The following ANKS1B variants were observed in gnomAD, a reference collection of about 807,000 sequenced individuals.
ANKS1B encodes ankyrin repeat and sterile alpha motif domain containing 1B.
In ANKS1B, 36 loss-of-function variants were observed where a neutral mutation model predicts 148.3. That is an observed-to-expected ratio of 0.24 (90% CI 0.19 to 0.32). ANKS1B has a LOEUF of 0.32. Among genes scored for constraint, ANKS1B ranks in the 10% least tolerant of loss-of-function variants. The pLI is 1.00. For missense variants in ANKS1B, 1,157 were observed against 1,542.6 expected, an observed-to-expected ratio of 0.75 and a Z score of 4.19; for synonymous variants, 542 against 560.8, an observed-to-expected ratio of 0.97 and a Z score of 0.47.
At chr12:98,758,284 C>T (rs1397212341) in intron 25 of ANKS1B, among the ~76,000 whole-genome samples, 2 of 152,078 alleles carry the variant, frequency 1.3e-5, no homozygotes, top group Non-Finnish European at 2.9e-5. Flanking sequence ...GAAGTCAGCA[C>T]CCAGACAAAC....
intron 1 of ANKS1B, among the ~76,000 whole-genome samples, chr12:99,970,042 C>T (rs2095539467): frequency 6.6e-6 from 1 of 152,160 alleles, no homozygotes; most frequent in Non-Finnish European, 1.5e-5. Context: ...AGTCAAAAAT[C>T]ATCCAAGTAT....
intron 1 of ANKS1B, among the ~76,000 whole-genome samples, chr12:99,970,791 G>A (rs2095548240): frequency 1.3e-5 from 2 of 152,246 alleles, no homozygotes; most frequent in African/African-American, 4.8e-5. Context: ...CCTCCTCTCT[G>A]CAGTTTCCCC....
At chr12:98,811,073 G>GC (rs5800365) in intron 19 of ANKS1B, among the ~76,000 whole-genome samples, 152,321 of 152,326 alleles carry the variant, frequency 1, 76,158 homozygotes, top group Non-Finnish European at 1. Flanking sequence ...TCTGGCAGCC[G>GC]CACTGCTTTT....
intron 9 of ANKS1B, among the ~76,000 whole-genome samples, chr12:99,604,297 C>G (rs1031908588): frequency 6.6e-6 from 1 of 152,018 alleles, no homozygotes; most frequent in African/African-American, 2.4e-5. Context: ...ATATAACTTA[C>G]AGGTTTAGCA....
chr12:98,772,235 T>C (rs1266274467), intron 25 of ANKS1B, among the ~76,000 whole-genome samples: 2 of 152,192 alleles, frequency 1.3e-5, no homozygotes, highest in African/African-American at 2.4e-5. Context: ...TATTTGAAGA[T>C]AGTGCCCTGA....
intron 12 of ANKS1B, among the ~76,000 whole-genome samples, chr12:99,320,461 C>A (rs147268456): frequency 9.2e-4 from 140 of 152,256 alleles, no homozygotes; most frequent in African/African-American, 3.2e-3. Flanking sequence ...ATCACTGATA[C>A]CCTTTCTTCC....
chr12:99,503,406 C>A (rs1342791193), intron 10 of ANKS1B, among the ~76,000 whole-genome samples: 2 of 152,206 alleles, frequency 1.3e-5, no homozygotes, highest in Non-Finnish European at 2.9e-5. Context: ...CTTCTCGCTA[C>A]TCTGTGGGGA....
intron 17 of ANKS1B, among the ~76,000 whole-genome samples, chr12:99,034,363 T>G (rs2099954207): frequency 6.6e-6 from 1 of 152,176 alleles, no homozygotes; most frequent in Non-Finnish European, 1.5e-5. Context: ...TCACCCAGGC[T>G]GGAGTGCAAT....
intron 1 of ANKS1B, among the ~76,000 whole-genome samples, chr12:99,839,822 T>C (rs1174613549): frequency 6.6e-6 from 1 of 152,136 alleles, no homozygotes; most frequent in Non-Finnish European, 1.5e-5. Flanking sequence ...CTTTAATCAT[T>C]ATCTATTGCC....
intron 1 of ANKS1B, among the ~76,000 whole-genome samples, chr12:99,851,182 T>C (rs529576300): frequency 6.6e-6 from 1 of 152,220 alleles, no homozygotes; most frequent in East Asian, 1.9e-4. Flanking sequence ...ATCATCAAAA[T>C]GCAGAAAATC....
At chr12:99,963,490 T>C (rs566727154) in intron 1 of ANKS1B, among the ~76,000 whole-genome samples, 32 of 152,338 alleles carry the variant, frequency 2.1e-4, no homozygotes, top group African/African-American at 7.2e-4. Context: ...GTTTATTTTT[T>C]CTTAAATGTG....
chr12:99,154,523 C>A (rs368119966), intron 14 of ANKS1B, 128 bp from the exon 15 acceptor site: 1 of 1,599,704 alleles, frequency 6.3e-7, no homozygotes, highest in Non-Finnish European at 8.5e-7. Flanking sequence ...CAAAGGAGCC[C>A]GCCAGCTTGA....
intron 17 of ANKS1B, among the ~76,000 whole-genome samples, chr12:98,874,538 A>G (rs2099682499): frequency 6.6e-6 from 1 of 152,180 alleles, no homozygotes. Flanking sequence ...AAGGTGTTTA[A>G]GAGGTGACAC....
chr12:99,681,527 C>T (rs1185740770), intron 8 of ANKS1B, among the ~76,000 whole-genome samples: 2 of 152,172 alleles, frequency 1.3e-5, no homozygotes, highest in Non-Finnish European at 2.9e-5. Flanking sequence ...TTTGCAGACA[C>T]TCCCCAGTAC....
intron 9 of ANKS1B, among the ~76,000 whole-genome samples, chr12:99,634,450 T>C (rs1011867472): frequency 2.0e-5 from 3 of 152,134 alleles, no homozygotes; most frequent in African/African-American, 7.2e-5. Flanking sequence ...ATTACTTTTC[T>C]TTATAAATTA....
chr12:99,092,470 G>GA (rs5800375), intron 15 of ANKS1B, among the ~76,000 whole-genome samples: 1,922 of 116,606 alleles, frequency 0.016, 34 homozygotes, highest in African/African-American at 0.037. Context: ...CTGTGAAGCT[G>GA]AAAAAAAAAA....
In ANKS1B at chr12:98,774,571, G is replaced by GT. The variant is rs1326156855; in HGVS notation, c.3442-1393dup. On this transcript the variant is annotated intron_variant, in intron 24 of 26. Transcript: ENST00000683438. ...TCTTATCTTATAATATCCCATTTATGTTTTTTTGCAGTTGTCACAGATCTA... is the reference window on the plus strand; with the variant it reads ...TCTTATCTTATAATATCCCATTTATGTTTTTTTTGCAGTTGTCACAGATCTA... 3.3e-5 allele frequency among the ~76,000 whole-genome samples: 5 copies of GT among 152,240 alleles called. No individual in the cohort carries two copies. The South Asian group carries it at 8.3e-4, about 25-fold the overall frequency.
At chr12:98,825,741 C>T (rs772379552) in intron 19 of ANKS1B, among the ~76,000 whole-genome samples, 10 of 151,958 alleles carry the variant, frequency 6.6e-5, no homozygotes, top group Non-Finnish European at 1.2e-4. Context: ...TTTAAGGGTA[C>T]TTCGACTTCT....
At chr12:99,112,376 T>C (rs969594609) in intron 15 of ANKS1B, among the ~76,000 whole-genome samples, 5 of 152,102 alleles carry the variant, frequency 3.3e-5, no homozygotes, top group African/African-American at 1.2e-4. Flanking sequence ...TGATGCTTCA[T>C]ACATTTTATA....
Sources: allele counts gnomAD v4.1 joint callset (sites outside exome capture counted in the v4.1 genomes callset), GRCh38; gene constraint gnomAD v4.1.1; transcripts MANE v1.5; gene names NCBI Gene and HGNC (gene_info 2026-07-23, HGNC 2026-07-21).